MYOC: variants seen among roughly 807,000 people sequenced by gnomAD.
MYOC encodes the protein myocilin, also known as juvenile-onset open-angle glaucoma 1.
MYOC carries 29 observed loss-of-function variants against 28.2 expected under a neutral mutation model. The ratio of observed to expected loss-of-function variants is 1.03; its 90% CI spans 0.77 to 1.40. MYOC has a LOEUF of 1.40. MYOC is among the 40% of genes most tolerant of loss of function. The probability of loss-of-function intolerance (pLI) is 0.00; values close to 1 mark genes in which losing one functional copy is unlikely to be tolerated. For missense variants in MYOC, 569 were observed against 620.6 expected, an observed-to-expected ratio of 0.92 and a Z score of 0.88; for synonymous variants, 240 against 245.6, an observed-to-expected ratio of 0.98 and a Z score of 0.21.
Position 171,636,612 on chromosome 1 carries a change from G to T in MYOC, c.828C>A (p.Pro276=). The change falls in exon 3 of 3, where the codon CCC becomes CCA. Residue 276 remains proline, a synonymous_variant. Transcript: ENST00000037502. ...KYGVWMRDPK[P]TYPYTQETTW... Reference sequence around the variant, plus strand: ...TGGTCTCCTGGGTGTAGGGGTAGGTGGGCTTGGGGTCTCGCATCCACACAC... The same window carrying T: ...TGGTCTCCTGGGTGTAGGGGTAGGTTGGCTTGGGGTCTCGCATCCACACAC... The T allele has an allele frequency of 6.2e-7, 1 of 1,613,260 alleles. No homozygotes were observed.
chr1:171,636,072 G>A lies in MYOC; in HGVS notation c.1368C>T (p.Gly456=). Residue 456 remains glycine, a synonymous_variant, in exon 3 of 3, where the codon GGC becomes GGT. Transcript: ENST00000037502. ...DATVNFAYDT[G]TGISKTLTIP... ...TGGTCAGGGTCTTGCTGATACCTGT[G>A]CCTGTGTCATAAGCAAAGTTGACGG... The A allele has an allele frequency of 6.2e-7, 1 of 1,614,184 alleles. No homozygotes were observed. The highest frequency in any genetic ancestry group is 1.3e-5 in the African/African-American group (1 of 75,038).
intron 1 of MYOC, among the ~76,000 whole-genome samples, chr1:171,646,910 A>G (rs1246549382): frequency 6.6e-6 from 1 of 152,172 alleles, no homozygotes; most frequent in Non-Finnish European, 1.5e-5. Context: ...TTCTTTATAG[A>G]CTTGGCATTT....
chr1:171,639,946 GAAAAAAAA>G lies in MYOC; in HGVS notation c.605-1232_605-1225del, dbSNP rs1175117891. 6.3e-3 allele frequency among the ~76,000 whole-genome samples: 296 copies of G among 46,990 alleles called. 2 individuals carry two copies. The highest frequency in any genetic ancestry group is 0.01 in the South Asian group (8 of 784). 30.8% of individuals were successfully genotyped at this position (46,990 alleles called of 152,430 possible). The stretch of plus-strand genomic sequence containing the variant: ...GCAACAGAGCAAGACTCTGTCTCAA[GAAAAAAAA>G]AAAAAAAAAAAAAAAAAAAGAAGTG... On this transcript the variant is annotated intron_variant, in intron 1 of 2. Transcript: ENST00000037502.
chr1:171,640,322 A>C (rs1480805711), intron 1 of MYOC, among the ~76,000 whole-genome samples: 1 of 152,138 alleles, frequency 6.6e-6, no homozygotes, highest in Non-Finnish European at 1.5e-5. Context: ...AGCATTGGTT[A>C]GACAGTAAGT....
chr1:171,639,893 G>A lies in MYOC; in HGVS notation c.605-1171C>T, dbSNP rs190864358. On this transcript the variant is annotated intron_variant, in intron 1 of 2. Coordinates refer to ENST00000037502, the MANE Select transcript of MYOC (RefSeq NM_000261.2). ...CAGGAGGCAAAGGTTGCAGGGAGCC[G>A]GGATTGTGCAACTGTACTCCAGTCT... Among the ~76,000 whole-genome samples, 23 of 136,022 alleles carry A rather than the reference G, an allele frequency of 1.7e-4. No homozygotes were observed. In the East Asian group the frequency reaches 5.1e-3, roughly 30 times the overall value. The allele number at this position is 136,022 out of a possible 152,430, so 89.2% of individuals were successfully genotyped here.
At chr1:171,638,820 G>A (rs142597307) in intron 1 of MYOC, 98 bp from the exon 2 acceptor site, 86 of 1,391,132 alleles carry the variant, frequency 6.2e-5, no homozygotes, top group East Asian at 3.8e-4. Flanking sequence ...CCGGCCAGGC[G>A]TGGTGGCTCA....
chr1:171,645,501 G>A (rs530193327), intron 1 of MYOC, among the ~76,000 whole-genome samples: 1 of 152,150 alleles, frequency 6.6e-6, no homozygotes, highest in Non-Finnish European at 1.5e-5. Flanking sequence ...TTCCAAGCTT[G>A]TCCGGCACCC....
intron 1 of MYOC, 102 bp from the exon 2 acceptor site, chr1:171,638,824 T>A (rs1047828611): frequency 7.4e-7 from 1 of 1,350,540 alleles, no homozygotes; most frequent in African/African-American, 1.4e-5. Flanking sequence ...CCAGGCGTGG[T>A]GGCTCATGCC....
In MYOC at chr1:171,636,069, T is replaced by C; in HGVS notation, c.1371A>G (p.Thr457=). ...GGATGGTCAGGGTCTTGCTGATACC[T>C]GTGCCTGTGTCATAAGCAAAGTTGA... The part of the protein sequence containing the change: ...ATVNFAYDTG[T]GISKTLTIPF... The change falls in exon 3 of 3, where the codon ACA becomes ACG. Residue 457 remains threonine, a synonymous_variant. Transcript: ENST00000037502. 1 of 1,614,200 alleles carries C rather than the reference T, an allele frequency of 6.2e-7. No individual in the cohort carries two copies. Among genetic ancestry groups the C allele is most frequent in the Non-Finnish European group, 8.5e-7 (1 of 1,180,032 alleles).
At chr1:171,644,573 A>G (rs1461149555) in intron 1 of MYOC, among the ~76,000 whole-genome samples, 1 of 103,770 alleles carries the variant, frequency 9.6e-6, no homozygotes, top group Non-Finnish European at 1.9e-5. Context: ...ACTCTAAAAA[A>G]CAGCTTTTTT....
intron 1 of MYOC, 46 bp from the exon 2 acceptor site, chr1:171,638,768 C>A: frequency 5.0e-6 from 8 of 1,608,040 alleles, no homozygotes; most frequent in Non-Finnish European, 6.0e-6. Flanking sequence ...GAAAAAATGG[C>A]CCAAGGATTG....
chr1:171,642,247 T>A (rs1479306485), intron 1 of MYOC, among the ~76,000 whole-genome samples: 1 of 152,196 alleles, frequency 6.6e-6, no homozygotes, highest in Non-Finnish European at 1.5e-5. Flanking sequence ...AAAGTGTTAA[T>A]GCCCTGGAGG....
In MYOC at chr1:171,652,244, G is replaced by A. The variant is rs2102951368; in HGVS notation, c.368C>T (p.Thr123Ile). ...CAGCTGGTCCCGCTCCCGCCTCAGGGTGCCCAGCTCCCTCTGCAGCCCCTC... is the reference window on the plus strand; with the variant it reads ...CAGCTGGTCCCGCTCCCGCCTCAGGATGCCCAGCTCCCTCTGCAGCCCCTC... ...TQEGLQRELG[T>I]LRRERDQLET... is the part of the protein sequence containing the mutation. Residue 123 changes from threonine (T) to isoleucine (I), a missense_variant, in exon 1 of 3, where the codon ACC (threonine) becomes ATC (isoleucine). Physicochemically the swap from Thr to Ile is moderately conservative, Grantham distance 89. Transcript: ENST00000037502. 6.2e-7 allele frequency: 1 copy of A among 1,614,158 alleles called. No individual in the cohort carries two copies.
At chr1:171,651,022 C>G (rs929204923) in intron 1 of MYOC, among the ~76,000 whole-genome samples, 4 of 152,084 alleles carry the variant, frequency 2.6e-5, no homozygotes, top group African/African-American at 9.7e-5. Flanking sequence ...CCTCAGTTAT[C>G]CCAAACCTGT....
At chr1:171,640,689 G>A (rs755117932) in intron 1 of MYOC, among the ~76,000 whole-genome samples, 6 of 152,092 alleles carry the variant, frequency 3.9e-5, no homozygotes, top group Non-Finnish European at 5.9e-5. Context: ...AGCAGTGATC[G>A]TACCTCTGCA....
Position 171,636,464 on chromosome 1 carries a change from C to T in MYOC, c.976G>A (p.Gly326Ser), listed in dbSNP as rs1447891498. The change falls in exon 3 of 3, where the codon GGT (glycine) becomes AGT (serine). Residue 326 changes from glycine (G) to serine (S), a missense_variant. Transcript: ENST00000037502. ...HILPRPLEST[G>S]AVVYSGSLYF... ...AGGCTCCCCGAGTACACCACAGCAC[C>T]CGTGCTTTCCAGTGGCCTAGGCAGT... 1 of 1,614,126 alleles carries T rather than the reference C, an allele frequency of 6.2e-7. No individual in the cohort carries two copies.
Position 171,635,860 on chromosome 1 carries a change from A to G in MYOC, c.*65T>C. ...GCCCTGGCTGGCTGGCTCTCCCTTC[A>G]GCCTGCTCCCCCCAGGAGCCCTGAG... On this transcript the variant is annotated 3_prime_UTR_variant, in exon 3 of 3. Transcript: ENST00000037502. The G allele has an allele frequency of 6.3e-7, 1 of 1,577,868 alleles. No homozygotes were observed. Among genetic ancestry groups the G allele is most frequent in the Non-Finnish European group, 8.7e-7 (1 of 1,155,178 alleles).
At chr1:171,637,210 T>A (rs1341050885) in intron 2 of MYOC, among the ~76,000 whole-genome samples, 3 of 152,174 alleles carry the variant, frequency 2.0e-5, no homozygotes, top group Non-Finnish European at 4.4e-5. Context: ...CCATGGGTGT[T>A]CATTGTATTA....
chr1:171,643,449 C>A (rs1254904732), intron 1 of MYOC: 1 of 152,502 alleles, frequency 6.6e-6, no homozygotes, highest in Non-Finnish European at 1.5e-5. Flanking sequence ...AGAACACACA[C>A]CCAGGCTGTT....
Sources: allele counts gnomAD v4.1 joint callset (sites outside exome capture counted in the v4.1 genomes callset), GRCh38; gene constraint gnomAD v4.1.1; transcripts MANE v1.5; gene names NCBI Gene and HGNC (gene_info 2026-07-23, HGNC 2026-07-21).